STARD9: variants seen among roughly 807,000 people sequenced by gnomAD.
The protein encoded by STARD9 is StAR related lipid transfer domain containing 9, also known as stAR-related lipid transfer protein 9.
STARD9 carries 346 observed loss-of-function variants against 399.8 expected under a neutral mutation model. The observed-to-expected ratio is 0.87, with a 90% confidence interval of 0.79 to 0.95. The LOEUF (loss-of-function observed/expected upper bound fraction) is 0.95, where lower values mean the gene tolerates loss of function less well. STARD9 is among the 40% of genes least tolerant of loss of function. The probability of loss-of-function intolerance (pLI) is 0.00; values close to 1 mark genes in which losing one functional copy is unlikely to be tolerated. For synonymous variants in STARD9, 2,203 were observed against 2,143.5 expected (o/e 1.03, Z -0.77); for missense variants, 5,832 against 5,667.5 (o/e 1.03, Z -0.93).
intron 3 of STARD9, among the ~76,000 whole-genome samples, chr15:42,626,255 T>TTCCTCTTCCTCTTCCTCCTCC (rs2059207564): frequency 6.6e-6 from 1 of 151,684 alleles, no homozygotes; most frequent in Non-Finnish European, 1.5e-5. Context: ...CTTCTTCCTC[T>TTCCTCTTCCTCTTCCTCCTCC]TCCTCTTCCT....
chr15:42,680,900 G>A (rs1256587794), intron 20 of STARD9, among the ~76,000 whole-genome samples: 1 of 152,140 alleles, frequency 6.6e-6, no homozygotes, highest in Non-Finnish European at 1.5e-5. Context: ...CACAGGCGTG[G>A]TGTGTGTATA....
intron 3 of STARD9, among the ~76,000 whole-genome samples, chr15:42,600,994 A>C (rs565298): frequency 0.78 from 117,607 of 151,598 alleles, 46,927 homozygotes; most frequent in Non-Finnish European, 0.88. Flanking sequence ...CTCTGGTTTT[A>C]CTAGGCAGAG....
chr15:42,620,453 T>G (rs1268679806), intron 3 of STARD9, among the ~76,000 whole-genome samples: 1 of 151,760 alleles, frequency 6.6e-6, no homozygotes, highest in South Asian at 2.1e-4. Context: ...TTCATTCCAG[T>G]CTGGGTAACA....
At chr15:42,641,627 A>G (rs2059540238) in intron 7 of STARD9, among the ~76,000 whole-genome samples, 1 of 146,040 alleles carries the variant, frequency 6.8e-6, no homozygotes, top group Admixed American at 7.1e-5. Context: ...TTTTTGAGAC[A>G]GAGTTTTGCA....
chr15:42,638,136 C>T, intron 6 of STARD9, 49 bp downstream of exon 6: 2 of 1,460,636 alleles, frequency 1.4e-6, no homozygotes, highest in Non-Finnish European at 9.3e-7. Flanking sequence ...TCTTCTACTC[C>T]AAATTCTACC....
intron 3 of STARD9, among the ~76,000 whole-genome samples, chr15:42,626,111 CAG>C (rs1213394422): frequency 6.6e-6 from 1 of 151,726 alleles, no homozygotes; most frequent in African/African-American, 2.4e-5. Context: ...TTAGTAGAGA[CAG>C]GGTTTCACCA....
intron 1 of STARD9, 34 bp from the exon 2 acceptor site, chr15:42,583,312 C>A: frequency 6.7e-7 from 1 of 1,495,742 alleles, no homozygotes; most frequent in Non-Finnish European, 9.0e-7. Flanking sequence ...ATTTTAAAAA[C>A]AACATTTCTT....
intron 3 of STARD9, among the ~76,000 whole-genome samples, chr15:42,604,555 G>A (rs1300576270): frequency 1.3e-5 from 2 of 151,782 alleles, no homozygotes; most frequent in Non-Finnish European, 2.9e-5. Context: ...ACGTGAAGAG[G>A]GAGGAAGATT....
rs1379054690 is a variant in STARD9, at chr15:42,718,919, T to C, written c.14001+9T>C. The stretch of plus-strand genomic sequence containing the variant: ...TCATCTACTTGGCCCAGGTGATAAA[T>C]CCTTTGCAGCTGGCCTCACAGCACA... On this transcript the variant is annotated intron_variant, in intron 32 of 32. Coordinates refer to ENST00000290607, the MANE Select transcript of STARD9 (RefSeq NM_020759.3). The C allele has an allele frequency of 6.5e-7, 1 of 1,536,676 alleles. No homozygotes were observed. Among genetic ancestry groups the C allele is most frequent in the Non-Finnish European group, 8.7e-7 (1 of 1,146,576 alleles).
chr15:42,691,783 C>G lies in STARD9; in HGVS notation c.10205C>G (p.Pro3402Arg). Residue 3402 changes from proline (P) to arginine (R), a missense_variant, in exon 23 of 33, where the codon CCT (proline) becomes CGT (arginine). By Grantham distance (103) the Pro-to-Arg change is moderately radical (BLOSUM62 -2). This residue lies in a region of STARD9 where 5,828 missense variants were observed against 5,651.1 expected (regional missense o/e 1.03). Transcript: ENST00000290607. ...ACTACCGATCACAGGCACCTGAAGCCTGCCACCCCTCCTTATCCAATGCCT... is the reference window on the plus strand; with the variant it reads ...ACTACCGATCACAGGCACCTGAAGCGTGCCACCCCTCCTTATCCAATGCCT... ...DGTTDHRHLK[P>R]ATPPYPMPST... The G allele has an allele frequency of 6.5e-6, 10 of 1,537,280 alleles. No homozygotes were observed. The highest frequency in any genetic ancestry group is 7.8e-6 in the Non-Finnish European group (9 of 1,146,910).
chr15:42,649,388 T>C (rs2059712135), intron 7 of STARD9, among the ~76,000 whole-genome samples: 1 of 152,180 alleles, frequency 6.6e-6, no homozygotes, highest in East Asian at 1.9e-4. Flanking sequence ...TTCTGATCTA[T>C]CTTCCTGCTC....
chr15:42,640,034 G>A (rs748910790), intron 7 of STARD9, among the ~76,000 whole-genome samples: 4 of 151,950 alleles, frequency 2.6e-5, no homozygotes, highest in African/African-American at 7.3e-5. Flanking sequence ...TGATCCTTCC[G>A]CCCCAGTCTC....
intron 7 of STARD9, among the ~76,000 whole-genome samples, chr15:42,648,095 C>T (rs1276513703): frequency 4.6e-5 from 7 of 152,106 alleles, no homozygotes; most frequent in Non-Finnish European, 1.0e-4. Flanking sequence ...TCTCTGAGTG[C>T]CTTCTACTTC....
intron 28 of STARD9, among the ~76,000 whole-genome samples, 196 bp from the exon 29 acceptor site, chr15:42,717,535 G>A (rs1364175924): frequency 6.6e-6 from 1 of 152,032 alleles, no homozygotes; most frequent in African/African-American, 2.4e-5. Flanking sequence ...TGAGGTGGGA[G>A]GATCGCTTAA....
Position 42,693,258 on chromosome 15 carries a change from G to C in STARD9, c.11680G>C (p.Val3894Leu). ...KKLGPTSALFVDRASSPILTL... is the reference protein window; with the variant it reads ...KKLGPTSALFLDRASSPILTL... Reference sequence around the variant, plus strand: ...GCTGGGCCCCACAAGTGCTTTGTTCGTGGACAGGGCCTCCTCCCCAATCCT... The same window carrying C: ...GCTGGGCCCCACAAGTGCTTTGTTCCTGGACAGGGCCTCCTCCCCAATCCT... Residue 3894 changes from valine to leucine, a missense_variant, in exon 23 of 33, where the codon GTG becomes CTG. Coordinates refer to ENST00000290607, the MANE Select transcript of STARD9 (RefSeq NM_020759.3). 1 of 1,536,988 alleles carries C rather than the reference G, an allele frequency of 6.5e-7. No individual in the cohort carries two copies. Among genetic ancestry groups the C allele is most frequent in the South Asian group, 1.2e-5 (1 of 84,024 alleles).
chr15:42,682,576 G>A lies in STARD9; in HGVS notation c.2537+1G>A. ...GCAAGCACATGCCCCAGCTACACAG[G>A]TACAGCCAGTAGTTGTCACTGGGAA... On this transcript the variant is annotated splice_donor_variant, in intron 22 of 32. Coordinates refer to ENST00000290607, the MANE Select transcript of STARD9 (RefSeq NM_020759.3). LOFTEE classifies it high-confidence loss of function. 3 of 1,530,004 alleles carry A rather than the reference G, an allele frequency of 2.0e-6. No individual in the cohort carries two copies. The highest frequency in any genetic ancestry group is 2.6e-6 in the Non-Finnish European group (3 of 1,142,172). 94.8% of individuals were successfully genotyped at this position (1,530,004 alleles called of 1,614,324 possible).
chr15:42,681,527 G>C lies in STARD9; in HGVS notation c.1980G>C (p.Leu660Phe). 6.5e-7 allele frequency: 1 copy of C among 1,537,188 alleles called. No individual in the cohort carries two copies. Among genetic ancestry groups the C allele is most frequent in the Non-Finnish European group, 8.7e-7 (1 of 1,146,868 alleles). Reference protein sequence around the residue: ...IQQQQSYVEDLRHQILAEEIR... With the variant: ...IQQQQSYVEDFRHQILAEEIR... ...AGCAGCAGAGCTACGTAGAGGATTT[G>C]AGGCATCAAATCCTAGCAGAAGAGA... Residue 660 changes from leucine (L) to phenylalanine (F), a missense_variant, in exon 21 of 33, where the codon TTG becomes TTC. By Grantham distance (22) the Leu-to-Phe change is conservative. Around this residue, in one of 2 missense-constraint regions of STARD9, gnomAD observed 5,828 missense variants for 5,651.1 expected, o/e 1.03. Coordinates refer to ENST00000290607, the MANE Select transcript of STARD9 (RefSeq NM_020759.3).
rs769340444 is a variant in STARD9, at chr15:42,685,843, G to A, written c.4265G>A (p.Arg1422Lys). 3.9e-6 allele frequency: 6 copies of A among 1,537,108 alleles called. No homozygotes were observed. Among genetic ancestry groups the A allele is most frequent in the Non-Finnish European group, 5.2e-6 (6 of 1,146,938 alleles). The change falls in exon 23 of 33, where the codon AGG becomes AAG. Residue 1422 changes from arginine to lysine, a missense_variant. Coordinates refer to ENST00000290607, the MANE Select transcript of STARD9 (RefSeq NM_020759.3). ...EHTASAADTS[R>K]LSLWGIQRLI... The stretch of plus-strand genomic sequence containing the variant: ...ACAGCCTCTGCTGCTGATACGTCTA[G>A]GCTGTCTCTCTGGGGAATTCAAAGG...
At chr15:42,699,985 G>T (rs938731635) in intron 26 of STARD9, among the ~76,000 whole-genome samples, 8 of 152,144 alleles carry the variant, frequency 5.3e-5, no homozygotes, top group African/African-American at 1.4e-4. Flanking sequence ...GGGGTTACAG[G>T]CGTGTGAGAT....
Sources: allele counts gnomAD v4.1 joint callset (sites outside exome capture counted in the v4.1 genomes callset), GRCh38; gene constraint gnomAD v4.1.1; regional missense constraint gnomAD v4.1.1; transcripts MANE v1.5; gene names NCBI Gene and HGNC (gene_info 2026-07-23, HGNC 2026-07-21).